The following TRIO variants were observed in gnomAD, a reference collection of about 807,000 sequenced individuals.
TRIO encodes the protein trio Rho guanine nucleotide exchange factor, also known as triple functional domain protein.
Under a neutral mutation model 351.9 loss-of-function variants are expected in TRIO, and 58 were observed. The ratio of observed to expected loss-of-function variants is 0.16; its 90% CI spans 0.13 to 0.21. The LOEUF is 0.21. Among genes scored for constraint, TRIO ranks in the 10% least tolerant of loss-of-function variants. The pLI is 1.00. For missense variants in TRIO, 3,201 were observed against 4,027.8 expected (o/e 0.79, Z 5.56); for synonymous variants, 1,758 against 1,595.7 (o/e 1.10, Z -2.42).
intron 1 of TRIO, among the ~76,000 whole-genome samples, chr5:14,174,083 T>C (rs1448375463): frequency 2.0e-5 from 3 of 152,210 alleles, no homozygotes; most frequent in Admixed American, 6.5e-5. Flanking sequence ...GTGTACTGTT[T>C]AGAGAGATCC....
chr5:14,262,323 G>A (rs59963672), intron 1 of TRIO, among the ~76,000 whole-genome samples: 16,718 of 151,944 alleles, frequency 0.11, 1,199 homozygotes, highest in African/African-American at 0.2. Flanking sequence ...TGTTGGGGGC[G>A]GGGAGGGGAA....
intron 34 of TRIO, among the ~76,000 whole-genome samples, chr5:14,421,127 C>T (rs1485831785): frequency 6.6e-6 from 1 of 152,118 alleles, no homozygotes; most frequent in Middle Eastern, 3.2e-3. Flanking sequence ...GAAGGTGTTT[C>T]TTAATGAGCA....
chr5:14,498,120 G>A lies in TRIO; in HGVS notation c.8079G>A (p.Glu2693=), dbSNP rs767071856. ...CAGAATTCGTCATTCCATTGAGTGA[G>A]GTCACGTGTGAGACAGGGGAGACCG... ...VPPEFVIPLS[E]VTCETGETVV... is the part of the protein sequence containing the mutation. The change falls in exon 52 of 57, where the codon GAG becomes GAA. Residue 2693 remains glutamate, a synonymous_variant. Transcript: ENST00000344204. 6.2e-7 allele frequency: 1 copy of A among 1,614,186 alleles called. No individual in the cohort carries two copies. Among genetic ancestry groups the A allele is most frequent in the African/African-American group, 1.3e-5 (1 of 75,032 alleles).
chr5:14,481,729 G>A, intron 45 of TRIO, 111 bp downstream of exon 45: 1 of 1,011,374 alleles, frequency 9.9e-7, no homozygotes. Flanking sequence ...TTGGTTTTCT[G>A]GCTTCTCTCA....
Position 14,403,684 on chromosome 5 carries a change from G to GGTGGTGAGGGTGCAGGTT in TRIO, c.4717-2152_4717-2151insCAGGTTGTGGTGAGGGTG, listed in dbSNP as rs1561448679. On this transcript the variant is annotated intron_variant, in intron 31 of 56. Coordinates refer to ENST00000344204, the MANE Select transcript of TRIO (RefSeq NM_007118.4). Reference sequence around the variant, plus strand: ...TGCAGGTGGTGGTGAGGGTGCAGGTGGTGGTGAGGGTGTAGGTTGTGGTGA... The same window carrying GGTGGTGAGGGTGCAGGTT: ...TGCAGGTGGTGGTGAGGGTGCAGGTGGTGGTGAGGGTGCAGGTTGTGGTGAGGGTGTAGGTTGTGGTGA... 7.4e-4 allele frequency among the ~76,000 whole-genome samples: 84 copies of GGTGGTGAGGGTGCAGGTT among 113,174 alleles called. 6 individuals carry two copies. The highest frequency in any genetic ancestry group is 3.1e-3 in the African/African-American group (72 of 23,156). The allele number at this position is 113,174 out of a possible 152,430, so 74.2% of individuals were successfully genotyped here.
rs889967045 is a variant in TRIO, at chr5:14,481,718, C to G, written c.6465+100C>G. 2.7e-6 allele frequency: 3 copies of G among 1,126,776 alleles called. No homozygotes were observed. The African/African-American group carries it at 4.9e-5, about 18-fold the overall frequency. The allele number at this position is 1,126,776 out of a possible 1,614,324, so 69.8% of individuals were successfully genotyped here. On this transcript the variant is annotated intron_variant, in intron 45 of 56. Coordinates refer to ENST00000344204, the MANE Select transcript of TRIO (RefSeq NM_007118.4). ...ACATAGAGAAAGCTGATCCTTTTCACTTGGTTTTCTGGCTTCTCTCACTTT... is the reference window on the plus strand; with the variant it reads ...ACATAGAGAAAGCTGATCCTTTTCAGTTGGTTTTCTGGCTTCTCTCACTTT...
chr5:14,363,810 G>T lies in TRIO; in HGVS notation c.2470G>T (p.Ala824Ser). Residue 824 changes from alanine (A) to serine (S), a missense_variant, in exon 14 of 57, where the codon GCA (alanine) becomes TCA (serine). This residue lies in a region of TRIO where 363 missense variants were observed against 553.5 expected (regional missense o/e 0.66). Transcript: ENST00000344204. ...NDFDTEDLTI[A>S]EQRLQHHADK... ...CTTCGACACAGAAGATCTCACGATT[G>T]CAGAGCAGCGCCTCCAGCACCATGC... The T allele has an allele frequency of 1.2e-6, 2 of 1,614,218 alleles. No homozygotes were observed. The highest frequency in any genetic ancestry group is 1.7e-6 in the Non-Finnish European group (2 of 1,180,046).
intron 3 of TRIO, among the ~76,000 whole-genome samples, chr5:14,282,701 T>C (rs969216261): frequency 2.0e-5 from 3 of 152,228 alleles, no homozygotes; most frequent in Non-Finnish European, 4.4e-5. Flanking sequence ...TCTCTAATTA[T>C]TCACCTGGTG....
chr5:14,401,749 T>C (rs1036418787), intron 31 of TRIO, among the ~76,000 whole-genome samples: 1 of 152,196 alleles, frequency 6.6e-6, no homozygotes, highest in African/African-American at 2.4e-5. Flanking sequence ...TCCTCCTCTG[T>C]GTTTGAGAAA....
intron 36 of TRIO, among the ~76,000 whole-genome samples, chr5:14,463,744 A>G (rs1356995563): frequency 6.7e-6 from 1 of 148,246 alleles, no homozygotes; most frequent in Non-Finnish European, 1.5e-5. Flanking sequence ...ATCTTCCCCC[A>G]TGCTTCCCTT....
chr5:14,344,391 T>C (rs113106967), intron 11 of TRIO, among the ~76,000 whole-genome samples: 33 of 152,224 alleles, frequency 2.2e-4, no homozygotes, highest in Non-Finnish European at 4.3e-4. Context: ...TATAAAAATA[T>C]AATCTTTATT....
chr5:14,369,406 G>A lies in TRIO; in HGVS notation c.3099G>A (p.Glu1033=), dbSNP rs1358627451. The A allele has an allele frequency of 6.2e-7, 1 of 1,614,144 alleles. No individual in the cohort carries two copies. The highest frequency in any genetic ancestry group is 8.5e-7 in the Non-Finnish European group (1 of 1,180,012). ...GCGTCCTCGAGAGCCTGGAACAGGA[G>A]TACAAGAGAGAAGAAGACTGGTGTG... ...VCSVLESLEQ[E]YKREEDWCGG... The change falls in exon 18 of 57, where the codon GAG becomes GAA. Residue 1033 remains glutamate, a synonymous_variant. Coordinates refer to ENST00000344204, the MANE Select transcript of TRIO (RefSeq NM_007118.4).
intron 13 of TRIO, among the ~76,000 whole-genome samples, chr5:14,360,532 C>G (rs1744054169): frequency 6.6e-6 from 1 of 152,192 alleles, no homozygotes. Context: ...AGCACACCCT[C>G]TCAATATTTA....
At chr5:14,149,969 A>C (rs1787730971) in intron 1 of TRIO, among the ~76,000 whole-genome samples, 1 of 152,100 alleles carries the variant, frequency 6.6e-6, no homozygotes. Context: ...GAATTGCAGG[A>C]GGTTTTTCTT....
intron 1 of TRIO, among the ~76,000 whole-genome samples, chr5:14,251,774 G>A (rs1025341873): frequency 1.3e-5 from 2 of 152,182 alleles, no homozygotes; most frequent in Non-Finnish European, 2.9e-5. Context: ...GAGGATGGGG[G>A]TGGCCTAAGT....
intron 11 of TRIO, among the ~76,000 whole-genome samples, chr5:14,339,142 C>T (rs1161209874): frequency 6.6e-6 from 1 of 152,100 alleles, no homozygotes; most frequent in African/African-American, 2.4e-5. Context: ...GAGGCTGAGG[C>T]AGGAGGGTCA....
At chr5:14,470,744 T>G (rs1438570247) in intron 37 of TRIO, among the ~76,000 whole-genome samples, 2 of 152,224 alleles carry the variant, frequency 1.3e-5, no homozygotes, top group Admixed American at 6.5e-5. Flanking sequence ...AGGGATAGAA[T>G]GGAAGTTGCT....
At chr5:14,483,423 C>T (rs951035736) in intron 46 of TRIO, among the ~76,000 whole-genome samples, 10 of 152,168 alleles carry the variant, frequency 6.6e-5, no homozygotes, top group African/African-American at 9.7e-5. Context: ...CTGTGCAGAC[C>T]CTGAGGTCAG....
intron 13 of TRIO, among the ~76,000 whole-genome samples, chr5:14,362,627 A>G (rs1245040609): frequency 6.6e-6 from 1 of 152,206 alleles, no homozygotes; most frequent in Admixed American, 6.5e-5. Context: ...CGTTTCCTCT[A>G]AACTTAGAAG....
Sources: allele counts gnomAD v4.1 joint callset (sites outside exome capture counted in the v4.1 genomes callset), GRCh38; gene constraint gnomAD v4.1.1; regional missense constraint gnomAD v4.1.1; transcripts MANE v1.5; gene names NCBI Gene and HGNC (gene_info 2026-07-23, HGNC 2026-07-21).